Variants in MLYCD observed in about 807,000 individuals in gnomAD.
The protein encoded by MLYCD is malonyl-CoA decarboxylase.
Under a neutral mutation model 35.8 loss-of-function variants are expected in MLYCD, and 27 were observed. That is an observed-to-expected ratio of 0.75 (90% CI 0.56 to 1.04). The LOEUF is 1.04. Among genes scored for constraint, MLYCD ranks in the 50% least tolerant of loss-of-function variants. The pLI is 0.00. For synonymous variants in MLYCD, 403 were observed against 302.4 expected (o/e 1.33, Z -3.45); for missense variants, 917 against 665.1 (o/e 1.38, Z -4.17).
Position 83,921,266 on chromosome 16 carries a change from G to A in MLYCD, c.*5777G>A, listed in dbSNP as rs1907644592. 1 of 149,120 alleles carries A rather than the reference G, an allele frequency of 6.7e-6. No homozygotes were observed. Among genetic ancestry groups the A allele is most frequent in the Non-Finnish European group, 1.5e-5 (1 of 67,232 alleles). 9.2% of individuals were successfully genotyped at this position (149,120 alleles called of 1,614,324 possible). On this transcript the variant is annotated 3_prime_UTR_variant, in exon 5 of 5. Transcript: ENST00000262430. ...TGGATGAATAGATGGGTGGGTGGGT[G>A]GATGTTTGGATGGATGGTGGAGGGC...
In MLYCD at chr16:83,912,294, G is replaced by A. The variant is rs139159660; in HGVS notation, c.875G>A (p.Ser292Asn). Reference protein sequence around the residue: ...KITAAIFYSISLTQQGLQGVE... With the variant: ...KITAAIFYSINLTQQGLQGVE... Reference sequence around the variant, plus strand: ...ACTGCTGCGATCTTTTATTCCATCAGCTTGACCCAGCAGGGACTCCAAGGG... The same window carrying A: ...ACTGCTGCGATCTTTTATTCCATCAACTTGACCCAGCAGGGACTCCAAGGG... Residue 292 changes from serine to asparagine, a missense_variant, in exon 4 of 5, where the codon AGC becomes AAC. Coordinates refer to ENST00000262430, the MANE Select transcript of MLYCD (RefSeq NM_012213.3). The A allele has an allele frequency of 1.9e-6, 3 of 1,614,198 alleles. No individual in the cohort carries two copies. Among genetic ancestry groups the A allele is most frequent in the East Asian group, 4.5e-5 (2 of 44,868 alleles).
In MLYCD at chr16:83,915,535, C is replaced by T; in HGVS notation, c.*46C>T. 2 of 1,598,112 alleles carry T rather than the reference C, an allele frequency of 1.3e-6. No individual in the cohort carries two copies. The highest frequency in any genetic ancestry group is 1.7e-6 in the Non-Finnish European group (2 of 1,178,472). On this transcript the variant is annotated 3_prime_UTR_variant, in exon 5 of 5. Transcript: ENST00000262430. Reference sequence around the variant, plus strand: ...ACAGGGCCCCGGCTAAGAAAACGATCATTTTCAGGAGGGGCCGGGAGTTAT... The same window carrying T: ...ACAGGGCCCCGGCTAAGAAAACGATTATTTTCAGGAGGGGCCGGGAGTTAT...
intron 2 of MLYCD, 104 bp from the exon 3 acceptor site, chr16:83,908,022 A>G (rs143066261): frequency 1.7e-5 from 24 of 1,440,360 alleles, no homozygotes; most frequent in East Asian, 4.7e-5. Flanking sequence ...TTAAAGCTCT[A>G]TTTAAAGAAC....
rs1241168037 is a variant in MLYCD at position 83,908,223 on chromosome 16, G to A, written c.739G>A (p.Gly247Arg). 3 of 1,614,210 alleles carry A rather than the reference G, an allele frequency of 1.9e-6. No homozygotes were observed. Among genetic ancestry groups the A allele is most frequent in the South Asian group, 1.1e-5 (1 of 91,084 alleles). Reference protein sequence around the residue: ...CYFFSHCSTPGEPLVVLHVAL... With the variant: ...CYFFSHCSTPREPLVVLHVAL... ...CTTCTTTTCTCACTGTTCGACCCCT[G>A]GGGAGCCCCTGGTCGTTTTGCACGT... The change falls in exon 3 of 5, where the codon GGG (glycine) becomes AGG (arginine). Residue 247 changes from glycine (G) to arginine (R), a missense_variant. Physicochemically the swap from Gly to Arg is moderately radical, Grantham distance 125 (BLOSUM62 -2). Transcript: ENST00000262430.
chr16:83,925,103 T>G lies in MLYCD; in HGVS notation c.*9614T>G, dbSNP rs541798828. 5.3e-5 allele frequency: 8 copies of G among 152,330 alleles called. No homozygotes were observed. Among genetic ancestry groups the G allele is most frequent in the Non-Finnish European group, 1.0e-4 (7 of 68,130 alleles). 9.4% of individuals were successfully genotyped at this position (152,330 alleles called of 1,614,324 possible). On this transcript the variant is annotated 3_prime_UTR_variant, in exon 5 of 5. Transcript: ENST00000262430. ...GTGTGGCATCATTGTTAACAGAGCT[T>G]CTTTTCACTCTGAAGTGTTCAGTTA... is the stretch of plus-strand genomic sequence containing the variant.
chr16:83,906,861 A>G (rs944827893), intron 1 of MLYCD, 126 bp from the exon 2 acceptor site: 13 of 841,348 alleles, frequency 1.5e-5, no homozygotes, highest in Non-Finnish European at 2.3e-5. Context: ...CTGTTTGGAG[A>G]GTTGTCTTGC....
At chr16:83,912,457 A>C in intron 4 of MLYCD, 90 bp downstream of exon 4, 1 of 1,541,588 alleles carries the variant, frequency 6.5e-7, no homozygotes, top group Non-Finnish European at 8.9e-7. Context: ...CATGAGGGAC[A>C]CAGATGAAGA....
chr16:83,900,671 G>A (rs908268771), intron 1 of MLYCD, among the ~76,000 whole-genome samples: 2 of 148,146 alleles, frequency 1.4e-5, no homozygotes, highest in African/African-American at 2.5e-5. Context: ...GAAAAATGAC[G>A]TAAATGTTTC....
At chr16:83,904,325 A>G (rs1416338019) in intron 1 of MLYCD, among the ~76,000 whole-genome samples, 1 of 152,334 alleles carries the variant, frequency 6.6e-6, no homozygotes, top group Admixed American at 6.5e-5. Flanking sequence ...CATGTACCCC[A>G]GGAAAACGTA....
chr16:83,912,290 A>G lies in MLYCD; in HGVS notation c.871A>G (p.Ile291Val), dbSNP rs1279721678. 1.2e-6 allele frequency: 2 copies of G among 1,614,204 alleles called. No individual in the cohort carries two copies. Among genetic ancestry groups the G allele is most frequent in the Non-Finnish European group, 1.7e-6 (2 of 1,180,028 alleles). Reference protein sequence around the residue: ...NKITAAIFYSISLTQQGLQGV... With the variant: ...NKITAAIFYSVSLTQQGLQGV... Reference sequence around the variant, plus strand: ...AATCACTGCTGCGATCTTTTATTCCATCAGCTTGACCCAGCAGGGACTCCA... The same window carrying G: ...AATCACTGCTGCGATCTTTTATTCCGTCAGCTTGACCCAGCAGGGACTCCA... The change falls in exon 4 of 5, where the codon ATC becomes GTC. Residue 291 changes from isoleucine (I) to valine (V), a missense_variant. Coordinates refer to ENST00000262430, the MANE Select transcript of MLYCD (RefSeq NM_012213.3).
At position 83,924,986 on chromosome 16, in the gene MLYCD, A is replaced by AC. The variant is rs1311867499; in HGVS notation, c.*9502dup. Reference sequence around the variant, plus strand: ...AGTCCCCTCCTTCTCTAAGGATCTCACCCCCATCCGTGTCTCTGCTGTCTC... The same window carrying AC: ...AGTCCCCTCCTTCTCTAAGGATCTCACCCCCCATCCGTGTCTCTGCTGTCTC... On this transcript the variant is annotated 3_prime_UTR_variant, in exon 5 of 5. Transcript: ENST00000262430. 1 of 151,694 alleles carries AC rather than the reference A, an allele frequency of 6.6e-6. No individual in the cohort carries two copies. The highest frequency in any genetic ancestry group is 1.5e-5 in the Non-Finnish European group (1 of 67,990). 9.4% of individuals were successfully genotyped at this position (151,694 alleles called of 1,614,324 possible). A position where few individuals can be genotyped will look rare whatever the true frequency, so the allele number is the denominator to read the frequency against.
Position 83,899,317 on chromosome 16 carries a change from A to G in MLYCD, c.173A>G (p.Glu58Gly). ...CCGACGCCGGCCTACGAGCTGCGCG[A>G]GAAGACACCGGCGCCCGCCGAGGGT... ...VPPTPAYELR[E>G]KTPAPAEGQC... is the part of the protein sequence containing the mutation. The change falls in exon 1 of 5, where the codon GAG becomes GGG. Residue 58 changes from glutamate to glycine, a missense_variant. Transcript: ENST00000262430. The G allele has an allele frequency of 6.7e-7, 1 of 1,497,798 alleles. No homozygotes were observed. The highest frequency in any genetic ancestry group is 8.8e-7 in the Non-Finnish European group (1 of 1,130,690). 92.8% of individuals were successfully genotyped at this position (1,497,798 alleles called of 1,614,324 possible).
At position 83,918,499 on chromosome 16, in the gene MLYCD, ACAG is replaced by A. The variant is rs2151061821; in HGVS notation, c.*3011_*3013del. The stretch of plus-strand genomic sequence containing the variant: ...ACACACAGTGCACAGGAGAACACGC[ACAG>A]TGCACAGGAGAACACAGAGTGCACA... On this transcript the variant is annotated 3_prime_UTR_variant, in exon 5 of 5. Transcript: ENST00000262430. 2 of 144,206 alleles carry A rather than the reference ACAG, an allele frequency of 1.4e-5. No individual in the cohort carries two copies. The highest frequency in any genetic ancestry group is 5.1e-5 in the African/African-American group (2 of 38,930). The allele number at this position is 144,206 out of a possible 1,614,324, so 8.9% of individuals were successfully genotyped here. A position where few individuals can be genotyped will look rare whatever the true frequency, so the allele number is the denominator to read the frequency against.
At chr16:83,907,148 A>G in intron 2 of MLYCD, 49 bp downstream of exon 2, 1 of 1,454,232 alleles carries the variant, frequency 6.9e-7, no homozygotes, top group African/African-American at 1.4e-5. Flanking sequence ...TTTCATATAT[A>G]TTTGTGTATG....
intron 1 of MLYCD, among the ~76,000 whole-genome samples, chr16:83,904,552 T>C (rs999826344): frequency 6.6e-6 from 1 of 152,234 alleles, no homozygotes; most frequent in Non-Finnish European, 1.5e-5. Flanking sequence ...CATTTTTCCA[T>C]CTTTTTCATT....
At chr16:83,908,704 T>G (rs975671439) in intron 3 of MLYCD, among the ~76,000 whole-genome samples, 1 of 152,178 alleles carries the variant, frequency 6.6e-6, no homozygotes, top group Non-Finnish European at 1.5e-5. Flanking sequence ...CCCTTATGCT[T>G]GATGTGGGCC....
In MLYCD at chr16:83,921,560, A is replaced by C. The variant is rs1211519369; in HGVS notation, c.*6071A>C. On this transcript the variant is annotated 3_prime_UTR_variant, in exon 5 of 5. Transcript: ENST00000262430. ...GATGTTAGGATGGGTGGATGGATGT[A>C]TTAACATCCCTTCTCCATGCCTCAG... 1 of 152,198 alleles carries C rather than the reference A, an allele frequency of 6.6e-6. No homozygotes were observed. The highest frequency in any genetic ancestry group is 6.5e-5 in the Admixed American group (1 of 15,276). The allele number at this position is 152,198 out of a possible 1,614,324, so 9.4% of individuals were successfully genotyped here. A position where few individuals can be genotyped will look rare whatever the true frequency, so the allele number is the denominator to read the frequency against.
chr16:83,911,242 T>C (rs139039374), intron 3 of MLYCD, among the ~76,000 whole-genome samples: 5 of 152,230 alleles, frequency 3.3e-5, no homozygotes, highest in Non-Finnish European at 7.4e-5. Flanking sequence ...CCTCCCAAAG[T>C]GCTGGGATTA....
chr16:83,916,202 G>A lies in MLYCD; in HGVS notation c.*713G>A, dbSNP rs1907380328. 4.0e-6 allele frequency: 4 copies of A among 987,740 alleles called. No individual in the cohort carries two copies. The highest frequency in any genetic ancestry group is 9.3e-5 in the South Asian group (2 of 21,396). The allele number at this position is 987,740 out of a possible 1,614,324, so 61.2% of individuals were successfully genotyped here. Reference sequence around the variant, plus strand: ...ATTGAACATCTGATTGTGTAGTGGTGGTCGTCTTTAAGATTAGAGACCTGG... The same window carrying A: ...ATTGAACATCTGATTGTGTAGTGGTAGTCGTCTTTAAGATTAGAGACCTGG... On this transcript the variant is annotated 3_prime_UTR_variant, in exon 5 of 5. Coordinates refer to ENST00000262430, the MANE Select transcript of MLYCD (RefSeq NM_012213.3).
Sources: gnomAD v4.1 joint callset for allele counts (sites outside exome capture counted in the v4.1 genomes callset) on GRCh38, gnomAD v4.1.1 for gene constraint, MANE v1.5 for transcripts, NCBI Gene and HGNC (gene_info 2026-07-23, HGNC 2026-07-21) for gene names.